ADGRL3: variants seen among roughly 807,000 people sequenced by gnomAD.
ADGRL3 encodes the protein calcium-independent alpha-latrotoxin receptor 3.
A neutral mutation model predicts 153.5 loss-of-function variants in ADGRL3; 62 were observed. The ratio of observed to expected loss-of-function variants is 0.40; its 90% CI spans 0.33 to 0.50. The LOEUF (loss-of-function observed/expected upper bound fraction) is 0.50. Among genes scored for constraint, ADGRL3 ranks in the 20% least tolerant of loss-of-function variants. The pLI is 0.47. For missense variants in ADGRL3, 1,641 were observed against 1,859.4 expected, an observed-to-expected ratio of 0.88 and a Z score of 2.16; for synonymous variants, 710 against 672.5, an observed-to-expected ratio of 1.06 and a Z score of -0.86.
At chr4:61,691,797 T>A (rs1497910) in intron 6 of ADGRL3, among the ~76,000 whole-genome samples, 55,010 of 151,832 alleles carry the variant, frequency 0.36, 11,503 homozygotes, top group Non-Finnish European at 0.49. Flanking sequence ...GAGTTAAAAT[T>A]ATGACATTGA....
At chr4:61,323,653 C>T (rs1225555584) in intron 1 of ADGRL3, among the ~76,000 whole-genome samples, 6 of 152,164 alleles carry the variant, frequency 3.9e-5, no homozygotes, top group African/African-American at 1.4e-4. Flanking sequence ...CCAAGTTCCT[C>T]ATCTCCATCT....
chr4:61,696,666 TA>T (rs2095647961), intron 6 of ADGRL3, among the ~76,000 whole-genome samples: 3 of 143,286 alleles, frequency 2.1e-5, no homozygotes, highest in East Asian at 2.2e-4. Flanking sequence ...CCTTTTTTTT[TA>T]ACCTTTTTTT....
chr4:61,990,213 G>A (rs2099099021), intron 19 of ADGRL3, among the ~76,000 whole-genome samples: 1 of 151,960 alleles, frequency 6.6e-6, no homozygotes, highest in South Asian at 2.1e-4. Flanking sequence ...CAATAAAAAT[G>A]AAGTATTAAC....
chr4:61,580,408 T>C (rs368884101), intron 4 of ADGRL3, among the ~76,000 whole-genome samples: 3 of 152,194 alleles, frequency 2.0e-5, no homozygotes, highest in South Asian at 4.1e-4. Context: ...TACTAGACTA[T>C]TTGTACGATC....
chr4:61,869,856 T>G (rs2149366838), intron 9 of ADGRL3, among the ~76,000 whole-genome samples: 1 of 147,080 alleles, frequency 6.8e-6, no homozygotes, highest in East Asian at 2.0e-4. Flanking sequence ...GAGGATCGCT[T>G]GAATCCAGGA....
At chr4:61,787,503 G>T (rs913661223) in intron 8 of ADGRL3, among the ~76,000 whole-genome samples, 3 of 151,970 alleles carry the variant, frequency 2.0e-5, no homozygotes, top group Non-Finnish European at 2.9e-5. Context: ...AACATAAAGA[G>T]TGTACTGGGG....
intron 1 of ADGRL3, among the ~76,000 whole-genome samples, chr4:61,320,286 G>A (rs1008967603): frequency 6.6e-6 from 1 of 152,156 alleles, no homozygotes; most frequent in Non-Finnish European, 1.5e-5. Flanking sequence ...TATACCTAAG[G>A]ATCCTTGTTA....
At chr4:61,995,241 A>T (rs1405084561) in intron 19 of ADGRL3, among the ~76,000 whole-genome samples, 1 of 151,690 alleles carries the variant, frequency 6.6e-6, no homozygotes, top group African/African-American at 2.4e-5. Context: ...ACATACGTAG[A>T]TCTACTTCCT....
At chr4:61,819,226 T>G (rs1368885242) in intron 9 of ADGRL3, among the ~76,000 whole-genome samples, 2 of 152,140 alleles carry the variant, frequency 1.3e-5, no homozygotes, top group Non-Finnish European at 2.9e-5. Context: ...GAGTTTCTCT[T>G]GTATGTTATG....
chr4:62,053,151 G>T (rs1208791262), intron 25 of ADGRL3, among the ~76,000 whole-genome samples: 1 of 151,296 alleles, frequency 6.6e-6, no homozygotes, highest in Non-Finnish European at 1.5e-5. Flanking sequence ...CTAAGAAATA[G>T]GCTGTATTAA....
chr4:61,265,435 G>A (rs1386600222), intron 1 of ADGRL3, among the ~76,000 whole-genome samples: 2 of 151,842 alleles, frequency 1.3e-5, no homozygotes, highest in Non-Finnish European at 2.9e-5. Context: ...GATAGCAACA[G>A]TTACTTCCTA....
At chr4:61,509,415 A>G (rs2098450535) in intron 3 of ADGRL3, among the ~76,000 whole-genome samples, 1 of 152,130 alleles carries the variant, frequency 6.6e-6, no homozygotes, top group Non-Finnish European at 1.5e-5. Flanking sequence ...GGCGTGAACC[A>G]CTGCGCCTGG....
chr4:61,917,353 T>C (rs1238772853), intron 13 of ADGRL3, among the ~76,000 whole-genome samples: 1 of 152,198 alleles, frequency 6.6e-6, no homozygotes, highest in Admixed American at 6.5e-5. Flanking sequence ...CAATCTCTTT[T>C]TTGAGACAGA....
intron 8 of ADGRL3, among the ~76,000 whole-genome samples, chr4:61,779,319 G>A (rs1377757112): frequency 6.6e-6 from 1 of 151,700 alleles, no homozygotes; most frequent in Non-Finnish European, 1.5e-5. Context: ...TCTGCGGGGG[G>A]GTGGAGCCCA....
chr4:61,836,338 T>A (rs1359556445), intron 9 of ADGRL3, among the ~76,000 whole-genome samples: 1 of 152,150 alleles, frequency 6.6e-6, no homozygotes, highest in Non-Finnish European at 1.5e-5. Flanking sequence ...TGGAATAATA[T>A]TTGGGACAAA....
intron 13 of ADGRL3, among the ~76,000 whole-genome samples, chr4:61,921,200 A>AT (rs1363787096): frequency 6.6e-6 from 1 of 152,040 alleles, no homozygotes. Context: ...CTTTTAAGTA[A>AT]TTTTTTGAAT....
chr4:61,792,943 C>T (rs1260454302), intron 8 of ADGRL3, among the ~76,000 whole-genome samples: 9 of 151,292 alleles, frequency 5.9e-5, no homozygotes, highest in Admixed American at 5.3e-4. Flanking sequence ...TATTCTCACA[C>T]TGCTGATAAA....
chr4:61,816,355 C>G (rs2097688442), intron 9 of ADGRL3, among the ~76,000 whole-genome samples: 1 of 152,172 alleles, frequency 6.6e-6, no homozygotes, highest in Admixed American at 6.6e-5. Context: ...AGGGGACTCA[C>G]TCACGTTTTT....
intron 6 of ADGRL3, among the ~76,000 whole-genome samples, chr4:61,708,700 A>G (rs1419344180): frequency 6.6e-6 from 1 of 152,164 alleles, no homozygotes; most frequent in South Asian, 2.1e-4. Context: ...AAAGAAGAAC[A>G]TGGTATTTTC....
Sources: gnomAD v4.1 joint callset for allele counts (sites outside exome capture counted in the v4.1 genomes callset) on GRCh38, gnomAD v4.1.1 for gene constraint, MANE v1.5 for transcripts, NCBI Gene and HGNC (gene_info 2026-07-23, HGNC 2026-07-21) for gene names.